DCP1A: variants seen among roughly 807,000 people sequenced by gnomAD.
DCP1A encodes the protein decapping mRNA 1A, also known as mRNA-decapping enzyme 1A.
In DCP1A, 20 loss-of-function variants were observed where a neutral mutation model predicts 58.0. The observed-to-expected ratio is 0.34, with a 90% confidence interval of 0.24 to 0.50. The LOEUF (loss-of-function observed/expected upper bound fraction) is 0.50, where lower values mean the gene tolerates loss of function less well. Ranked by LOEUF, DCP1A falls within the 20% of genes least tolerant of loss-of-function variation. The pLI is 0.98. For synonymous variants in DCP1A, 285 were observed against 275.1 expected, an observed-to-expected ratio of 1.04 and a Z score of -0.36; for missense variants, 613 against 712.2, an observed-to-expected ratio of 0.86 and a Z score of 1.59.
Position 53,347,467 on chromosome 3 carries a change from C to T in DCP1A, c.51G>A (p.Lys17=). Residue 17 remains lysine, a synonymous_variant, in exon 1 of 10, where the codon AAG becomes AAA. Transcript: ENST00000610213. ...AGQEMSLAAL[K]QHDPYITSIA... ...TGCTGGTGATATAGGGGTCGTGTTG[C>T]TTCAGGGCCGCTAGGCTCATCTCCT... The T allele has an allele frequency of 1.9e-6, 3 of 1,613,696 alleles. No homozygotes were observed. The highest frequency in any genetic ancestry group is 2.5e-6 in the Non-Finnish European group (3 of 1,179,704).
intron 6 of DCP1A, among the ~76,000 whole-genome samples, chr3:53,294,681 C>T (rs781852178): frequency 1.2e-4 from 18 of 152,218 alleles, no homozygotes; most frequent in East Asian, 1.9e-4. Context: ...AGATGACTGC[C>T]GCTGCCTGGC....
intron 9 of DCP1A, 116 bp from the exon 10 acceptor site, chr3:53,287,776 C>A: frequency 1.4e-6 from 1 of 737,736 alleles, no homozygotes; most frequent in East Asian, 2.6e-5. Context: ...AACTGATAAT[C>A]CCACCACCCA....
At chr3:53,327,865 G>C (rs1477244012) in intron 3 of DCP1A, among the ~76,000 whole-genome samples, 1 of 151,756 alleles carries the variant, frequency 6.6e-6, no homozygotes, top group Non-Finnish European at 1.5e-5. Context: ...GCTCACGTCT[G>C]TAATCCCAGC....
chr3:53,285,928 A>G lies in DCP1A; in HGVS notation c.*1652T>C, dbSNP rs1160506469. ...TGTGAAAACAAACTATTCACAATTG[A>G]GCATGAAAACTTATAAGCTTCCCTG... On this transcript the variant is annotated 3_prime_UTR_variant, in exon 10 of 10. Transcript: ENST00000610213. The G allele has an allele frequency of 6.6e-6, 1 of 152,214 alleles. No individual in the cohort carries two copies. The highest frequency in any genetic ancestry group is 1.5e-5 in the Non-Finnish European group (1 of 68,038). 9.4% of individuals were successfully genotyped at this position (152,214 alleles called of 1,614,324 possible).
chr3:53,290,516 G>A, intron 8 of DCP1A: 1 of 582,214 alleles, frequency 1.7e-6, no homozygotes, highest in South Asian at 2.1e-5. Flanking sequence ...AGAGGACCTG[G>A]CCTAGGAAAG....
rs554157376 is a variant in DCP1A at position 53,337,311 on chromosome 3, T to C, written c.304+4833A>G. On this transcript the variant is annotated intron_variant, in intron 3 of 9. Transcript: ENST00000610213. ...TCATGCATGGTACTATCAGAAGGGATAGGAAGAAGCATATCACAGGCCTGT... is the reference window on the plus strand; with the variant it reads ...TCATGCATGGTACTATCAGAAGGGACAGGAAGAAGCATATCACAGGCCTGT... 1.7e-4 allele frequency among the ~76,000 whole-genome samples: 26 copies of C among 152,262 alleles called. 1 individual carries two copies. Among genetic ancestry groups the C allele is most frequent in the African/African-American group, 5.8e-4 (24 of 41,554 alleles).
At chr3:53,345,879 T>G (rs984516028) in intron 1 of DCP1A, among the ~76,000 whole-genome samples, 2 of 152,164 alleles carry the variant, frequency 1.3e-5, no homozygotes, top group African/African-American at 2.4e-5. Flanking sequence ...AAAGAAAATT[T>G]GCCCACCAAA....
At chr3:53,319,384 A>C (rs782064289) in intron 4 of DCP1A, 23 bp downstream of exon 4, 1 of 1,452,450 alleles carries the variant, frequency 6.9e-7, no homozygotes, top group African/African-American at 1.4e-5. Context: ...TCATCAGTTA[A>C]ATTTATGGAG....
At chr3:53,336,807 T>C (rs2089123945) in intron 3 of DCP1A, among the ~76,000 whole-genome samples, 1 of 152,180 alleles carries the variant, frequency 6.6e-6, no homozygotes, top group African/African-American at 2.4e-5. Context: ...CCCATGGTTA[T>C]TTTTTAGGAA....
intron 5 of DCP1A, 143 bp from the exon 6 acceptor site, chr3:53,304,433 T>G: frequency 3.3e-6 from 2 of 599,950 alleles, no homozygotes; most frequent in Non-Finnish European, 5.8e-6. Context: ...TGCTCTGTAC[T>G]CCAATGTAAA....
chr3:53,336,162 G>A lies in DCP1A; in HGVS notation c.304+5982C>T, dbSNP rs1423902202. Among the ~76,000 whole-genome samples the A allele has an allele frequency of 2.6e-5, 4 of 152,232 alleles. No individual in the cohort carries two copies. In the South Asian group the frequency reaches 8.3e-4, roughly 32 times the overall value. ...CTTGTTGCCCAGGCTGGAGTGCAGT[G>A]GCATGATCTTGGCTCACTGCAACCT... On this transcript the variant is annotated intron_variant, in intron 3 of 9. Coordinates refer to ENST00000610213, the MANE Select transcript of DCP1A (RefSeq NM_018403.7).
At chr3:53,340,813 A>G (rs2089190856) in intron 3 of DCP1A, among the ~76,000 whole-genome samples, 1 of 152,126 alleles carries the variant, frequency 6.6e-6, no homozygotes, top group Admixed American at 6.6e-5. Context: ...TGGAAGGGCC[A>G]CTCTAGCTTT....
rs1706605365 is a variant in DCP1A, at chr3:53,285,624, A to C, written c.*1956T>G. ...AAGGTGAAAATTAGTATGATCACAG[A>C]CTCTCTTTAGGATATTCTCTCTTAA... On this transcript the variant is annotated 3_prime_UTR_variant, in exon 10 of 10. Transcript: ENST00000610213. 1.3e-5 allele frequency: 2 copies of C among 151,982 alleles called. No individual in the cohort carries two copies. Among genetic ancestry groups the C allele is most frequent in the African/African-American group, 4.8e-5 (2 of 41,338 alleles). The allele number at this position is 151,982 out of a possible 1,614,324, so 9.4% of individuals were successfully genotyped here.
chr3:53,320,166 G>A (rs1707921540), intron 3 of DCP1A, among the ~76,000 whole-genome samples: 1 of 151,504 alleles, frequency 6.6e-6, no homozygotes, highest in African/African-American at 2.4e-5. Flanking sequence ...ACAATACAAA[G>A]CTTTCAAAAC....
At position 53,292,249 on chromosome 3, in the gene DCP1A, G is replaced by A; in HGVS notation, c.1203C>T (p.Thr401=). ...GTGTCTGTATTTGGTCATGCTGTGG[G>A]GTCAACCTGAGTTTCTGGAGAAGAT... ...SVDLLQKLRL[T]PQHDQIQTQP... The change falls in exon 7 of 10, where the codon ACC becomes ACT. Residue 401 remains threonine, a synonymous_variant. Coordinates refer to ENST00000610213, the MANE Select transcript of DCP1A (RefSeq NM_018403.7). 2 of 1,613,970 alleles carry A rather than the reference G, an allele frequency of 1.2e-6. No individual in the cohort carries two copies. The highest frequency in any genetic ancestry group is 1.1e-5 in the South Asian group (1 of 91,086).
intron 3 of DCP1A, among the ~76,000 whole-genome samples, chr3:53,322,205 C>G (rs576859559): frequency 1.7e-4 from 26 of 152,124 alleles, no homozygotes; most frequent in Non-Finnish European, 2.8e-4. Flanking sequence ...GTAATCCTGG[C>G]ACCCTGGAAG....
In DCP1A at chr3:53,286,201, C is replaced by T. The variant is rs1706627160; in HGVS notation, c.*1379G>A. On this transcript the variant is annotated 3_prime_UTR_variant, in exon 10 of 10. Coordinates refer to ENST00000610213, the MANE Select transcript of DCP1A (RefSeq NM_018403.7). ...AGCTTAAATGATTGTTCCTAAGGAA[C>T]CATCATATCTGTCAGCATTATTCAC... 6.6e-6 allele frequency: 1 copy of T among 152,178 alleles called. No homozygotes were observed. The highest frequency in any genetic ancestry group is 2.1e-4 in the South Asian group (1 of 4,828). The allele number at this position is 152,178 out of a possible 1,614,324, so 9.4% of individuals were successfully genotyped here. A position where few individuals can be genotyped will look rare whatever the true frequency, so the allele number is the denominator to read the frequency against.
intron 5 of DCP1A, among the ~76,000 whole-genome samples, chr3:53,305,305 A>C (rs1553687902): frequency 2.0e-5 from 3 of 152,080 alleles, no homozygotes; most frequent in African/African-American, 7.2e-5. Flanking sequence ...TATGAATACA[A>C]CATCTATAAA....
chr3:53,310,486 T>C (rs554328601), intron 5 of DCP1A, among the ~76,000 whole-genome samples: 1 of 152,222 alleles, frequency 6.6e-6, no homozygotes, highest in Non-Finnish European at 1.5e-5. Flanking sequence ...TTGATACAGT[T>C]ATTACTCAGG....
Sources: gnomAD v4.1 joint callset for allele counts (sites outside exome capture counted in the v4.1 genomes callset) on GRCh38, gnomAD v4.1.1 for gene constraint, MANE v1.5 for transcripts, NCBI Gene and HGNC (gene_info 2026-07-23, HGNC 2026-07-21) for gene names.